The following COX15 variants were observed in gnomAD, a reference collection of about 807,000 sequenced individuals.
COX15 encodes the protein heme A synthase COX15.
A neutral mutation model predicts 51.9 loss-of-function variants in COX15; 51 were observed. The observed-to-expected ratio is 0.98, with a 90% confidence interval of 0.78 to 1.24. The LOEUF is 1.24. Ranked by LOEUF, COX15 falls within the 50% of genes most tolerant of loss-of-function variation. The probability of loss-of-function intolerance (pLI) is 0.00; values close to 1 mark genes in which losing one functional copy is unlikely to be tolerated. For missense variants in COX15, 420 were observed against 501.1 expected (o/e 0.84, Z 1.55); for synonymous variants, 188 against 190.5 (o/e 0.99, Z 0.11).
At position 99,724,023 on chromosome 10, in the gene COX15, C is replaced by G. The variant is rs1480591433; in HGVS notation, c.683G>C (p.Gly228Ala). ...GGCACAATAAAGAACCAGGGCTGAT[C>G]CCAGGTGGGCAGCAAGGCGGTACTG... ...VSQYRLAAHL[G>A]SALVLYCASL... The change falls in exon 5 of 9, where the codon GGA becomes GCA. Residue 228 changes from glycine (G) to alanine (A), a missense_variant. Transcript: ENST00000016171. The G allele has an allele frequency of 3.7e-6, 6 of 1,614,042 alleles. No homozygotes were observed. In the South Asian group the frequency reaches 5.5e-5, roughly 15 times the overall value.
At chr10:99,701,034 C>G in the COX15 span, 5 of 1,613,952 alleles carry the variant, frequency 3.1e-6, no homozygotes, top group African/African-American at 4.0e-5. Context: ...CTCTTTTCAT[C>G]ACATGCAGAT....
rs747508115 is a variant in COX15 at position 99,716,345 on chromosome 10, T to C, written c.1101+3A>G. ...TGTCAGAACAAAAAGAAGTGGTTTA[T>C]ACCTGTGTATACGCCAAAGCCAGCA... On this transcript the variant is annotated splice_donor_region_variant and intron_variant, in intron 8 of 8. Coordinates refer to ENST00000016171, the MANE Select transcript of COX15 (RefSeq NM_078470.6). 5 of 1,600,554 alleles carry C rather than the reference T, an allele frequency of 3.1e-6. No homozygotes were observed. Among genetic ancestry groups the C allele is most frequent in the Non-Finnish European group, 4.3e-6 (5 of 1,167,920 alleles).
At chr10:99,703,764 TGA>T in the COX15 span, among the ~76,000 whole-genome samples, 1 of 152,208 alleles carries the variant, frequency 6.6e-6, no homozygotes, top group African/African-American at 2.4e-5. Context: ...TTGCCCAGGC[TGA>T]GTGTGGTGGC....
chr10:99,710,986 G>A lies in COX15; in HGVS notation c.*3601C>T. On this transcript the variant is annotated 3_prime_UTR_variant, in exon 9 of 9. Transcript: ENST00000016171. ...TAATCCTATAGGTATGTGATGACTT[G>A]TTTTTTTGGAAAAAGGTATTTGGAA... 1 of 984,966 alleles carries A rather than the reference G, an allele frequency of 1.0e-6. No individual in the cohort carries two copies. The highest frequency in any genetic ancestry group is 1.2e-6 in the Non-Finnish European group (1 of 829,708). The allele number at this position is 984,966 out of a possible 1,614,324, so 61.0% of individuals were successfully genotyped here.
At chr10:99,697,036 G>T in the COX15 span, among the ~76,000 whole-genome samples, 1 of 152,192 alleles carries the variant, frequency 6.6e-6, no homozygotes, top group African/African-American at 2.4e-5. Context: ...ACGAACACTA[G>T]CTTGAAGAAG....
chr10:99,700,445 T>TGTG, the COX15 span, among the ~76,000 whole-genome samples: 1 of 148,236 alleles, frequency 6.7e-6, no homozygotes, highest in Non-Finnish European at 1.5e-5. Context: ...TGTGTGTGTG[T>TGTG]TTATTGTCTG....
chr10:99,723,730 T>C (rs1312044867), intron 5 of COX15, among the ~76,000 whole-genome samples: 1 of 152,186 alleles, frequency 6.6e-6, no homozygotes, highest in Non-Finnish European at 1.5e-5. Context: ...TCTTTCTCAC[T>C]TTGCCATCCA....
chr10:99,727,371 C>A, intron 3 of COX15, 70 bp downstream of exon 3: 1 of 1,589,686 alleles, frequency 6.3e-7, no homozygotes. Flanking sequence ...TCTAACCATT[C>A]TGAAGGGTTT....
chr10:99,715,286 T>C (rs912518551), intron 8 of COX15, among the ~76,000 whole-genome samples: 1 of 151,882 alleles, frequency 6.6e-6, no homozygotes, highest in African/African-American at 2.4e-5. Flanking sequence ...TACAGGCGTG[T>C]GCCACCCCGC....
chr10:99,729,421 C>G (rs1484007341), intron 2 of COX15, 132 bp downstream of exon 2: 10 of 957,404 alleles, frequency 1.0e-5, no homozygotes, highest in Non-Finnish European at 1.6e-5. Context: ...GATCACACCA[C>G]TGCACTCCAG....
At chr10:99,723,817 A>C in intron 5 of COX15, 139 bp downstream of exon 5, 1 of 909,786 alleles carries the variant, frequency 1.1e-6, no homozygotes. Flanking sequence ...TCTATTTTTC[A>C]ATTTGTTTCA....
chr10:99,711,592 C>T lies in COX15; in HGVS notation c.*2995G>A. ...AGCCAGTGGTCCCTAGACTTGTCTG[C>T]ACATTGGAATCACCTGGGGAACTTT... On this transcript the variant is annotated 3_prime_UTR_variant, in exon 9 of 9. Transcript: ENST00000016171. 1.0e-6 allele frequency: 1 copy of T among 985,150 alleles called. No individual in the cohort carries two copies. Among genetic ancestry groups the T allele is most frequent in the African/African-American group, 1.7e-5 (1 of 57,346 alleles). The allele number at this position is 985,150 out of a possible 1,614,324, so 61.0% of individuals were successfully genotyped here.
chr10:99,720,727 A>G (rs951002306), intron 6 of COX15, among the ~76,000 whole-genome samples: 2 of 152,208 alleles, frequency 1.3e-5, no homozygotes, highest in Non-Finnish European at 2.9e-5. Flanking sequence ...AAGGTCATAT[A>G]GTTCACAGGT....
chr10:99,701,086 T>A, the COX15 span: 6 of 1,572,290 alleles, frequency 3.8e-6, no homozygotes, highest in Non-Finnish European at 5.3e-6. Context: ...CCTCCTTAGA[T>A]GTGGACTTAA....
rs2036749259 is a variant in COX15 at position 99,721,039 on chromosome 10, C to T, written c.780G>A (p.Leu260=). 1 of 1,613,508 alleles carries T rather than the reference C, an allele frequency of 6.2e-7. No homozygotes were observed. The highest frequency in any genetic ancestry group is 1.7e-5 in the Admixed American group (1 of 59,932). ...KLPETHQLLQ[L]RRFAHGTAGL... is the part of the protein sequence containing the mutation. ...CTGCTGTTCCATGAGCAAATCGTCTCAACTGTAGGAGTTGGTGGGTTTCAG... is the reference window on the plus strand; with the variant it reads ...CTGCTGTTCCATGAGCAAATCGTCTTAACTGTAGGAGTTGGTGGGTTTCAG... The change falls in exon 6 of 9, where the codon TTG becomes TTA. Residue 260 remains leucine, a synonymous_variant. Coordinates refer to ENST00000016171, the MANE Select transcript of COX15 (RefSeq NM_078470.6).
chr10:99,700,676 G>A, the COX15 span, among the ~76,000 whole-genome samples: 1 of 152,202 alleles, frequency 6.6e-6, no homozygotes, highest in Non-Finnish European at 1.5e-5. Context: ...AGTCCTATGT[G>A]GAGTAGAATG....
the COX15 span, chr10:99,701,089 G>GTT: frequency 3.2e-6 from 5 of 1,554,296 alleles, no homozygotes; most frequent in Non-Finnish European, 4.4e-6. Context: ...CCTTAGATGT[G>GTT]GACTTAAAAT....
chr10:99,714,860 C>A, intron 8 of COX15, 142 bp from the exon 9 acceptor site: 3 of 1,438,006 alleles, frequency 2.1e-6, no homozygotes, highest in Non-Finnish European at 2.8e-6. Context: ...ATTTCACAAG[C>A]AAATATGCTT....
At chr10:99,717,053 C>CA (rs2036601700) in intron 7 of COX15, among the ~76,000 whole-genome samples, 1 of 152,174 alleles carries the variant, frequency 6.6e-6, no homozygotes, top group South Asian at 2.1e-4. Context: ...GTGCTGTCCA[C>CA]AATGACAATT....
Sources: gnomAD v4.1 joint callset for allele counts (sites outside exome capture counted in the v4.1 genomes callset) on GRCh38, gnomAD v4.1.1 for gene constraint, MANE v1.5 for transcripts, NCBI Gene and HGNC (gene_info 2026-07-23, HGNC 2026-07-21) for gene names.